SERPINE3: variants seen among roughly 807,000 people sequenced by gnomAD.
SERPINE3 encodes serpin family E member 3, also known as serpin E3.
SERPINE3 carries 43 observed loss-of-function variants against 41.7 expected under a neutral mutation model. The observed-to-expected ratio is 1.03, with a 90% CI of 0.81 to 1.33. The LOEUF (loss-of-function observed/expected upper bound fraction) is 1.33, where lower values mean the gene tolerates loss of function less well. Ranked by LOEUF, SERPINE3 falls within the 40% of genes most tolerant of loss-of-function variation. The pLI, the probability that SERPINE3 is intolerant of heterozygous loss-of-function variation, is 0.00. For missense variants in SERPINE3, 440 were observed against 491.7 expected, an observed-to-expected ratio of 0.89 and a Z score of 0.99; for synonymous variants, 200 against 192.2, an observed-to-expected ratio of 1.04 and a Z score of -0.34.
chr13:51,360,848 T>C (rs547427850), intron 7 of SERPINE3, among the ~76,000 whole-genome samples: 1 of 152,130 alleles, frequency 6.6e-6, no homozygotes, highest in South Asian at 2.1e-4. Context: ...AAATGATCTC[T>C]GAAGCTTGGT....
chr13:51,357,705 T>G (rs1955502626), intron 7 of SERPINE3, among the ~76,000 whole-genome samples: 1 of 152,020 alleles, frequency 6.6e-6, no homozygotes, highest in Non-Finnish European at 1.5e-5. Flanking sequence ...TTATGCAGCT[T>G]TTAAGAGTAA....
chr13:51,361,959 T>G (rs757690305), intron 9 of SERPINE3, 66 bp downstream of exon 9: 6 of 1,611,660 alleles, frequency 3.7e-6, no homozygotes, highest in Non-Finnish European at 5.1e-6. Context: ...CAAGGGCTCA[T>G]TTGTCCACTA....
At position 51,362,055 on chromosome 13, in the gene SERPINE3, G is replaced by T. The variant is rs76070963; in HGVS notation, c.1171+162G>T. The T allele has an allele frequency of 1.6e-3, 2,498 of 1,576,822 alleles. 28 individuals are homozygous for T. In the African/African-American group the frequency reaches 0.029, roughly 18 times the overall value. ...TGCTATCTTCTATCCTAAGAAAGGG[G>T]ACTATTTCGTAAGTACAAAGGAAAC... On this transcript the variant is annotated intron_variant, in intron 9 of 9. Coordinates refer to ENST00000681248, the MANE Select transcript of SERPINE3 (RefSeq NM_001386375.1).
intron 6 of SERPINE3, chr13:51,354,208 A>G (rs1032337766): frequency 6.6e-6 from 1 of 152,112 alleles, no homozygotes; most frequent in Non-Finnish European, 1.5e-5. Flanking sequence ...GATGGGAGGT[A>G]GCAAAATGTA....
At chr13:51,346,993 A>G (rs1463439157) in intron 4 of SERPINE3, 32 bp from the exon 5 acceptor site, 1 of 1,509,208 alleles carries the variant, frequency 6.6e-7, no homozygotes, top group Non-Finnish European at 9.0e-7. Flanking sequence ...ATGCACATTT[A>G]ACCCATGGCC....
At position 51,348,209 on chromosome 13, in the gene SERPINE3, T is replaced by A. The variant is rs1307554974; in HGVS notation, c.701-4T>A. 6.3e-7 allele frequency: 1 copy of A among 1,577,698 alleles called. No homozygotes were observed. The highest frequency in any genetic ancestry group is 1.7e-4 in the Middle Eastern group (1 of 6,020). On this transcript the variant is annotated splice_region_variant and splice_polypyrimidine_tract_variant and intron_variant, in intron 5 of 9. Coordinates refer to ENST00000681248, the MANE Select transcript of SERPINE3 (RefSeq NM_001386375.1). ...AGCTGACCTCTGATCCACTGTACCC[T>A]CAGGTCAGTTCCAGGACACTGCAGG...
At position 51,361,900 on chromosome 13, in the gene SERPINE3, C is replaced by T. The variant is rs373642916; in HGVS notation, c.1171+7C>T. On this transcript the variant is annotated splice_region_variant and intron_variant, in intron 9 of 9. Coordinates refer to ENST00000681248, the MANE Select transcript of SERPINE3 (RefSeq NM_001386375.1). ...CTGAGAGAACCTAACACAGGTATTA[C>T]AGTATTTTTTGACAGGATTCAGATA... 7 of 1,611,404 alleles carry T rather than the reference C, an allele frequency of 4.3e-6. No homozygotes were observed. The African/African-American group carries it at 8.0e-5, about 18-fold the overall frequency.
chr13:51,343,034 G>C (rs1248525525), intron 3 of SERPINE3, among the ~76,000 whole-genome samples: 4 of 152,112 alleles, frequency 2.6e-5, no homozygotes, highest in Admixed American at 2.6e-4. Flanking sequence ...TGGGGACCCT[G>C]GCCAGGGTGG....
In SERPINE3 at chr13:51,348,338, C is replaced by A; in HGVS notation, c.826C>A (p.His276Asn). 1 of 1,613,958 alleles carries A rather than the reference C, an allele frequency of 6.2e-7. No individual in the cohort carries two copies. The highest frequency in any genetic ancestry group is 1.6e-4 in the Middle Eastern group (1 of 6,062). Residue 276 changes from histidine to asparagine, a missense_variant, in exon 6 of 10, where the codon CAC (histidine) becomes AAC (asparagine). By Grantham distance (68) the His-to-Asn change is moderately conservative. Transcript: ENST00000681248. ...KDTPLSHIEP[H>N]LTASTIHLWT... ...CACCCCCCTGAGCCACATCGAGCCACACCTCACAGCCAGCACCATCCACCT... is the reference window on the plus strand; with the variant it reads ...CACCCCCCTGAGCCACATCGAGCCAAACCTCACAGCCAGCACCATCCACCT...
intron 6 of SERPINE3, among the ~76,000 whole-genome samples, chr13:51,350,231 A>G (rs1296059762): frequency 1.3e-5 from 2 of 152,204 alleles, no homozygotes; most frequent in African/African-American, 4.8e-5. Flanking sequence ...GCACTAGTAG[A>G]TTCTGGACGA....
At chr13:51,364,143 T>G in intron 9 of SERPINE3, 96 bp from the exon 10 acceptor site, 1 of 540,406 alleles carries the variant, frequency 1.9e-6, no homozygotes, top group Middle Eastern at 4.8e-4. Flanking sequence ...AATGTTATCT[T>G]GCATTACTTA....
chr13:51,364,440 G>T lies in SERPINE3; in HGVS notation c.*158G>T, dbSNP rs9316536. Reference sequence around the variant, plus strand: ...CCTAAAAATACTTCAGTTTTTAAATGTTATAAGTTTATTTTGCCTACTCTT... The same window carrying T: ...CCTAAAAATACTTCAGTTTTTAAATTTTATAAGTTTATTTTGCCTACTCTT... On this transcript the variant is annotated 3_prime_UTR_variant, in exon 10 of 10. Transcript: ENST00000681248. The T allele has an allele frequency of 0.16, 79,803 of 492,946 alleles. 7,680 individuals are homozygous for T. Among genetic ancestry groups the T allele is most frequent in the African/African-American group, 0.29 (14,380 of 50,076 alleles). The allele number at this position is 492,946 out of a possible 1,614,324, so 30.5% of individuals were successfully genotyped here.
intron 7 of SERPINE3, among the ~76,000 whole-genome samples, chr13:51,358,528 A>G (rs949323933): frequency 1.2e-4 from 18 of 152,284 alleles, no homozygotes; most frequent in African/African-American, 4.1e-4. Flanking sequence ...ACAAACACCA[A>G]TCAGCATTTC....
chr13:51,356,059 G>C (rs1353359308), intron 7 of SERPINE3, among the ~76,000 whole-genome samples: 1 of 152,116 alleles, frequency 6.6e-6, no homozygotes, highest in African/African-American at 2.4e-5. Context: ...GAGAAGTCTT[G>C]GTTTGGGCTT....
At chr13:51,345,314 A>T (rs1366819701) in intron 4 of SERPINE3, among the ~76,000 whole-genome samples, 3 of 152,212 alleles carry the variant, frequency 2.0e-5, no homozygotes, top group Non-Finnish European at 2.9e-5. Context: ...TGTGGAGAAC[A>T]TTCAAGACCC....
At chr13:51,360,219 TTCA>T (rs1406544791) in intron 7 of SERPINE3, among the ~76,000 whole-genome samples, 1 of 152,090 alleles carries the variant, frequency 6.6e-6, no homozygotes, top group Admixed American at 6.6e-5. Flanking sequence ...ACAATATGTG[TTCA>T]TCAAACTGAT....
At chr13:51,341,471 A>T in intron 3 of SERPINE3, 124 bp downstream of exon 3, 1 of 957,932 alleles carries the variant, frequency 1.0e-6, no homozygotes, top group Non-Finnish European at 1.5e-6. Flanking sequence ...TCATACTCAC[A>T]CTCACTCTCT....
At chr13:51,347,700 T>TG (rs996376838) in intron 5 of SERPINE3, among the ~76,000 whole-genome samples, 6 of 152,208 alleles carry the variant, frequency 3.9e-5, no homozygotes, top group African/African-American at 1.4e-4. Flanking sequence ...CACGCCCTTC[T>TG]GAATAGTGTG....
intron 4 of SERPINE3, among the ~76,000 whole-genome samples, chr13:51,346,737 C>T (rs1280190650): frequency 6.6e-6 from 1 of 152,208 alleles, no homozygotes; most frequent in Non-Finnish European, 1.5e-5. Context: ...ATCTTAAAGA[C>T]TCTAGGTCTA....
Sources: allele counts gnomAD v4.1 joint callset (sites outside exome capture counted in the v4.1 genomes callset), GRCh38; gene constraint gnomAD v4.1.1; transcripts MANE v1.5; gene names NCBI Gene and HGNC (gene_info 2026-07-23, HGNC 2026-07-21).